PAK5: variants seen among roughly 807,000 people sequenced by gnomAD.
PAK5 encodes the protein p21 (RAC1) activated kinase 5, also known as serine/threonine-protein kinase PAK 5.
PAK5 carries 16 observed loss-of-function variants against 65.9 expected under a neutral mutation model. The observed-to-expected ratio is 0.24, with a 90% CI of 0.16 to 0.37. The LOEUF is 0.37. Among genes scored for constraint, PAK5 ranks in the 10% least tolerant of loss-of-function variants. PAK5 has a pLI of 1.00. For missense variants in PAK5, 785 were observed against 903.9 expected (o/e 0.87, Z 1.69); for synonymous variants, 371 against 354.9 (o/e 1.05, Z -0.51).
At chr20:9,684,587 C>T (rs2423419) in intron 2 of PAK5, among the ~76,000 whole-genome samples, 40,479 of 151,994 alleles carry the variant, frequency 0.27, 5,560 homozygotes, top group East Asian at 0.36. Context: ...TCCTTCCTCC[C>T]GGGGACATTT....
chr20:9,804,255 TA>T, intron 1 of PAK5, among the ~76,000 whole-genome samples: 2 of 152,334 alleles, frequency 1.3e-5, no homozygotes, highest in East Asian at 3.9e-4. Context: ...GTGCTTATGA[TA>T]AAATACAGAT....
At chr20:9,742,684 G>C (rs2048463312) in intron 1 of PAK5, among the ~76,000 whole-genome samples, 1 of 152,060 alleles carries the variant, frequency 6.6e-6, no homozygotes. Context: ...AAAAAAATTG[G>C]TTATCTGGAT....
chr20:9,541,629 T>G (rs1047057872), intron 9 of PAK5, among the ~76,000 whole-genome samples: 3 of 152,192 alleles, frequency 2.0e-5, no homozygotes, highest in Non-Finnish European at 2.9e-5. Flanking sequence ...TGGTACCTTC[T>G]TCCTATTCAG....
chr20:9,665,429 T>C (rs572981921), intron 2 of PAK5, among the ~76,000 whole-genome samples: 8 of 152,232 alleles, frequency 5.3e-5, no homozygotes, highest in African/African-American at 1.9e-4. Flanking sequence ...GCTGTGAACA[T>C]GTGGCAAAAT....
At chr20:9,574,460 C>T (rs752920076) in intron 4 of PAK5, among the ~76,000 whole-genome samples, 1 of 152,198 alleles carries the variant, frequency 6.6e-6, no homozygotes, top group Non-Finnish European at 1.5e-5. Flanking sequence ...GACCTGCGAT[C>T]CGTCATCGCC....
chr20:9,688,190 G>C (rs1284611412), intron 2 of PAK5, among the ~76,000 whole-genome samples: 1 of 152,100 alleles, frequency 6.6e-6, no homozygotes, highest in East Asian at 1.9e-4. Flanking sequence ...GATTTAAACA[G>C]AGGGCAGACT....
intron 2 of PAK5, among the ~76,000 whole-genome samples, chr20:9,676,151 C>A (rs1288871545): frequency 6.6e-6 from 1 of 152,020 alleles, no homozygotes; most frequent in Non-Finnish European, 1.5e-5. Context: ...AAAACTCCCC[C>A]TTACAATAAT....
chr20:9,706,719 G>C (rs2048012889), intron 2 of PAK5, among the ~76,000 whole-genome samples: 1 of 151,660 alleles, frequency 6.6e-6, no homozygotes, highest in African/African-American at 2.4e-5. Flanking sequence ...TGTTGCCCAG[G>C]CTGATCTCGA....
At chr20:9,754,817 G>T (rs932343708) in intron 1 of PAK5, among the ~76,000 whole-genome samples, 1 of 152,170 alleles carries the variant, frequency 6.6e-6, no homozygotes, top group Non-Finnish European at 1.5e-5. Flanking sequence ...GATGGAGTTG[G>T]TTAGGTCAGA....
rs1337836000 is a variant in PAK5, at chr20:9,566,268, G to A, written c.1107C>T (p.Ser369=). 2 of 1,613,666 alleles carry A rather than the reference G, an allele frequency of 1.2e-6. No homozygotes were observed. The highest frequency in any genetic ancestry group is 1.7e-5 in the Admixed American group (1 of 59,998). ...GGTACCCAGACGGGTACTGGTGACT[G>A]CTTGAGGAATAGCCCGATTTGCTTT... The part of the protein sequence containing the change: ...QSQSKSGYSS[S]SHQYPSGYHK... The change falls in exon 5 of 10, where the codon AGC becomes AGT. Residue 369 remains serine (S), a synonymous_variant. Transcript: ENST00000353224.
intron 1 of PAK5, among the ~76,000 whole-genome samples, chr20:9,831,252 C>T (rs1978693461): frequency 6.6e-6 from 1 of 152,190 alleles, no homozygotes; most frequent in Non-Finnish European, 1.5e-5. Context: ...ATTCCCCATC[C>T]CCCGCCACAT....
intron 1 of PAK5, among the ~76,000 whole-genome samples, chr20:9,789,504 T>G (rs956057016): frequency 6.6e-6 from 1 of 152,192 alleles, no homozygotes; most frequent in African/African-American, 2.4e-5. Flanking sequence ...TCTTTTCTAA[T>G]TTTTCTAAAA....
chr20:9,807,771 T>TAATAATAATAAC, intron 1 of PAK5, among the ~76,000 whole-genome samples: 1 of 148,540 alleles, frequency 6.7e-6, no homozygotes, highest in East Asian at 2.0e-4. Flanking sequence ...TAAATAATAA[T>TAATAATAATAAC]AATAATAATA....
chr20:9,600,604 C>A (rs1033286756), intron 3 of PAK5, among the ~76,000 whole-genome samples: 6 of 152,130 alleles, frequency 3.9e-5, no homozygotes, highest in African/African-American at 1.2e-4. Context: ...TAATAGATAA[C>A]CATTATTGAT....
chr20:9,687,421 C>T (rs543281238), intron 2 of PAK5, among the ~76,000 whole-genome samples: 2 of 152,294 alleles, frequency 1.3e-5, no homozygotes, highest in Admixed American at 6.5e-5. Flanking sequence ...ATCATGGTCC[C>T]TTGTGCTCTT....
At chr20:9,593,409 C>G (rs1459625723) in intron 3 of PAK5, among the ~76,000 whole-genome samples, 2 of 152,072 alleles carry the variant, frequency 1.3e-5, no homozygotes, top group East Asian at 3.9e-4. Flanking sequence ...CTTGGCTTAC[C>G]CAGAGACACC....
rs1199836870 is a variant in PAK5, at chr20:9,713,323, C to A, written c.-161-1888G>T. Among the ~76,000 whole-genome samples the A allele has an allele frequency of 2.0e-5, 3 of 152,150 alleles. No homozygotes were observed. In the East Asian group the frequency reaches 5.8e-4, roughly 29 times the overall value. On this transcript the variant is annotated intron_variant, in intron 1 of 9. Coordinates refer to ENST00000353224, the MANE Select transcript of PAK5 (RefSeq NM_177990.4). The stretch of plus-strand genomic sequence containing the variant: ...AAAACCACAATGAGATATTATCACA[C>A]TCCAGTTAGAATGGCTATTATCAAA...
chr20:9,654,937 T>G (rs73065630), intron 2 of PAK5, among the ~76,000 whole-genome samples: 1 of 152,334 alleles, frequency 6.6e-6, no homozygotes, highest in Non-Finnish European at 1.5e-5. Flanking sequence ...TTTTTCTTAC[T>G]TGTTCCCACA....
intron 1 of PAK5, among the ~76,000 whole-genome samples, chr20:9,805,721 A>G (rs1208338563): frequency 6.6e-6 from 1 of 152,144 alleles, no homozygotes; most frequent in African/African-American, 2.4e-5. Flanking sequence ...TAGTTTTTGC[A>G]GGGGCCTGGG....
Sources: gnomAD v4.1 joint callset for allele counts (sites outside exome capture counted in the v4.1 genomes callset) on GRCh38, gnomAD v4.1.1 for gene constraint, MANE v1.5 for transcripts, NCBI Gene and HGNC (gene_info 2026-07-23, HGNC 2026-07-21) for gene names.